The following APELA variants were observed in gnomAD, a reference collection of about 807,000 sequenced individuals.
APELA encodes the protein apelin receptor early endogenous ligand, also known as protein Elabela.
At chr4:164,880,409 G>A (rs1285862402) in intron 2 of APELA, among the ~76,000 whole-genome samples, 1 of 152,206 alleles carries the variant, frequency 6.6e-6, no homozygotes, top group Non-Finnish European at 1.5e-5. Context: ...AATAGCTTTG[G>A]TGGAGGAATC....
chr4:164,892,950 G>A (rs1269178191), intron 2 of APELA, among the ~76,000 whole-genome samples: 4 of 151,992 alleles, frequency 2.6e-5, no homozygotes, highest in Non-Finnish European at 5.9e-5. Context: ...TAGTAGTGAT[G>A]TTCCCTCTTT....
At chr4:164,885,926 C>T (rs548232525) in intron 2 of APELA, among the ~76,000 whole-genome samples, 31 of 152,162 alleles carry the variant, frequency 2.0e-4, no homozygotes, top group Middle Eastern at 3.4e-3. Flanking sequence ...AATTTCTTCT[C>T]TCATCAAGTC....
chr4:164,895,069 C>T lies in APELA; in HGVS notation c.*2-347C>T, dbSNP rs146121961. ...TAGGGAAACATTGACACCAGTGGCG[C>T]ACACCTGTAATCCTAGCTATTCAGG... On this transcript the variant is annotated intron_variant, in intron 2 of 2. Coordinates refer to ENST00000507152, the MANE Select transcript of APELA (RefSeq NM_001297550.2). Among the ~76,000 whole-genome samples the T allele has an allele frequency of 3.2e-3, 481 of 152,262 alleles. 3 individuals carry two copies. The highest frequency in any genetic ancestry group is 0.011 in the African/African-American group (446 of 41,558).
chr4:164,889,488 A>T (rs978271785), intron 2 of APELA, among the ~76,000 whole-genome samples: 5 of 152,194 alleles, frequency 3.3e-5, no homozygotes, highest in Non-Finnish European at 5.9e-5. Context: ...ACACATATGA[A>T]ATCCATTTAC....
chr4:164,880,598 C>T (rs1209491474), intron 2 of APELA, among the ~76,000 whole-genome samples: 1 of 151,914 alleles, frequency 6.6e-6, no homozygotes, highest in Admixed American at 6.6e-5. Context: ...ATAGAGACAC[C>T]CCAGATTTTT....
intron 2 of APELA, among the ~76,000 whole-genome samples, chr4:164,890,329 T>C (rs1730855807): frequency 6.6e-6 from 1 of 152,172 alleles, no homozygotes; most frequent in African/African-American, 2.4e-5. Context: ...TGTGCAACCA[T>C]CACCATGATC....
At chr4:164,887,284 C>T (rs1730793068) in intron 2 of APELA, among the ~76,000 whole-genome samples, 1 of 152,090 alleles carries the variant, frequency 6.6e-6, no homozygotes, top group Admixed American at 6.5e-5. Context: ...CTTACCCACC[C>T]CCATCTTCCT....
At position 164,896,138 on chromosome 4, in the gene APELA, A is replaced by T. The variant is rs184067666; in HGVS notation, c.*724A>T. On this transcript the variant is annotated 3_prime_UTR_variant, in exon 3 of 3. Transcript: ENST00000507152. ...AAACAGAGTCTCACTCTGTTGCCCA[A>T]GGTGGAGAGAAGTGGCACGCTTTTG... The T allele has an allele frequency of 6.6e-6, 1 of 152,264 alleles. No homozygotes were observed. The highest frequency in any genetic ancestry group is 1.9e-4 in the East Asian group (1 of 5,182). 9.4% of individuals were successfully genotyped at this position (152,264 alleles called of 1,614,324 possible). A position where few individuals can be genotyped will look rare whatever the true frequency, so the allele number is the denominator to read the frequency against.
chr4:164,885,905 C>T (rs559289590), intron 2 of APELA, among the ~76,000 whole-genome samples: 15 of 152,022 alleles, frequency 9.9e-5, no homozygotes, highest in African/African-American at 3.4e-4. Flanking sequence ...GGAGATATTT[C>T]CTCTTCTAGG....
chr4:164,884,107 AAGAAAGAAAGAAAG>A (rs201124750), intron 2 of APELA, among the ~76,000 whole-genome samples: 3,558 of 41,804 alleles, frequency 0.085, 61 homozygotes, highest in African/African-American at 0.12. Flanking sequence ...GAAAGAATGA[AAGAAAGAAAGAAAG>A]AGAAAGAAAG....
chr4:164,883,277 C>G (rs1420161571), intron 2 of APELA, among the ~76,000 whole-genome samples: 1 of 152,128 alleles, frequency 6.6e-6, no homozygotes, highest in African/African-American at 2.4e-5. Flanking sequence ...CTCTTCTGCA[C>G]TTCATATTCC....
At chr4:164,894,802 G>C (rs1195165574) in intron 2 of APELA, among the ~76,000 whole-genome samples, 2 of 152,166 alleles carry the variant, frequency 1.3e-5, no homozygotes, top group African/African-American at 4.8e-5. Context: ...CTCCCCAGTA[G>C]GTGTGAGCCA....
At chr4:164,885,153 CAG>C (rs1371603385) in intron 2 of APELA, among the ~76,000 whole-genome samples, 4 of 151,996 alleles carry the variant, frequency 2.6e-5, no homozygotes, top group South Asian at 2.1e-4. Flanking sequence ...GTTTTTGAGA[CAG>C]AGTCTTGCTC....
intron 2 of APELA, among the ~76,000 whole-genome samples, chr4:164,886,511 A>T (rs1381939343): frequency 6.6e-6 from 1 of 151,868 alleles, no homozygotes; most frequent in Admixed American, 6.6e-5. Flanking sequence ...AGCTGGCATG[A>T]TGGTGTATAC....
Position 164,896,854 on chromosome 4 carries a change from T to A in APELA, c.*1440T>A, listed in dbSNP as rs1172531046. 6.6e-6 allele frequency: 1 copy of A among 152,118 alleles called. No homozygotes were observed. The highest frequency in any genetic ancestry group is 1.5e-5 in the Non-Finnish European group (1 of 68,030). 9.4% of individuals were successfully genotyped at this position (152,118 alleles called of 1,614,324 possible). On this transcript the variant is annotated 3_prime_UTR_variant, in exon 3 of 3. Transcript: ENST00000507152. ...CAGGCTAAAGTGCAGTGGCATGATC[T>A]AGGCTAACTCCCTGGCTCAAGCGAT...
At chr4:164,890,001 G>C (rs768238808) in intron 2 of APELA, among the ~76,000 whole-genome samples, 1 of 152,126 alleles carries the variant, frequency 6.6e-6, no homozygotes, top group African/African-American at 2.4e-5. Flanking sequence ...TGGTATCCAA[G>C]GGAAATCCTA....
chr4:164,895,828 G>A lies in APELA; in HGVS notation c.*414G>A, dbSNP rs1035490878. 1.5e-4 allele frequency: 23 copies of A among 152,108 alleles called. No individual in the cohort carries two copies. The highest frequency in any genetic ancestry group is 2.8e-4 in the Non-Finnish European group (19 of 68,016). The allele number at this position is 152,108 out of a possible 1,614,324, so 9.4% of individuals were successfully genotyped here. ...ATAATTCTCCAAAAGTATTAAATTC[G>A]TATATGTTTGAGTGATTTTCTAAAA... is the stretch of plus-strand genomic sequence containing the variant. On this transcript the variant is annotated 3_prime_UTR_variant, in exon 3 of 3. Transcript: ENST00000507152.
rs540751291 is a variant in APELA at position 164,893,388 on chromosome 4, A to C, written c.*2-2028A>C. Among the ~76,000 whole-genome samples, 5 of 152,156 alleles carry C rather than the reference A, an allele frequency of 3.3e-5. No individual in the cohort carries two copies. The South Asian group carries it at 1.0e-3, about 32-fold the overall frequency. On this transcript the variant is annotated intron_variant, in intron 2 of 2. Transcript: ENST00000507152. Reference sequence around the variant, plus strand: ...GTTGTTAATTTCCATATATTTGAGAATTTCTCAAATTTCTTTTGTTATTGA... The same window carrying C: ...GTTGTTAATTTCCATATATTTGAGACTTTCTCAAATTTCTTTTGTTATTGA...
At chr4:164,884,160 G>GAAAGA (rs1560858160) in intron 2 of APELA, among the ~76,000 whole-genome samples, 3 of 112,392 alleles carry the variant, frequency 2.7e-5, no homozygotes, top group African/African-American at 1.1e-4. Context: ...AGAAAGAAAG[G>GAAAGA]AGAAGAGAAA....
Sources: allele counts gnomAD v4.1 joint callset (sites outside exome capture counted in the v4.1 genomes callset), GRCh38; gene constraint gnomAD v4.1.1; transcripts MANE v1.5; gene names NCBI Gene and HGNC (gene_info 2026-07-23, HGNC 2026-07-21).